The following EYA1 variants were observed in gnomAD, a reference collection of about 807,000 sequenced individuals.
EYA1 encodes EYA transcriptional coactivator and phosphatase 1.
Under a neutral mutation model 82.0 loss-of-function variants are expected in EYA1, and 16 were observed. That is an observed-to-expected ratio of 0.20 (90% CI 0.13 to 0.30). The LOEUF is 0.30. Ranked by LOEUF, EYA1 falls within the 10% of genes least tolerant of loss-of-function variation. EYA1 has a pLI of 1.00. For missense variants in EYA1, 633 were observed against 730.7 expected (o/e 0.87, Z 1.54); for synonymous variants, 261 against 264.4 (o/e 0.99, Z 0.12).
At chr8:71,506,496 G>A (rs1442666602) in intron 2 of EYA1, among the ~76,000 whole-genome samples, 1 of 152,166 alleles carries the variant, frequency 6.6e-6, no homozygotes, top group Admixed American at 6.5e-5. Flanking sequence ...TACTTTGTGT[G>A]TTTCTTCTTA....
intron 2 of EYA1, among the ~76,000 whole-genome samples, chr8:71,499,111 C>A (rs945987853): frequency 1.3e-5 from 2 of 152,124 alleles, no homozygotes; most frequent in African/African-American, 2.4e-5. Context: ...TGGGGACCCT[C>A]TGCTTAGGGG....
chr8:71,223,014 G>A (rs1208486357), intron 12 of EYA1, among the ~76,000 whole-genome samples: 7 of 152,176 alleles, frequency 4.6e-5, no homozygotes, highest in Non-Finnish European at 4.4e-5. Flanking sequence ...AAGCCCCAAC[G>A]CTTCATGTCA....
chr8:71,380,387 A>G (rs949085512), intron 2 of EYA1, among the ~76,000 whole-genome samples: 2 of 152,170 alleles, frequency 1.3e-5, no homozygotes, highest in East Asian at 1.9e-4. Context: ...AATAGCATCA[A>G]TAGAAGTCTG....
rs1369950053 is a variant in EYA1 at position 71,519,650 on chromosome 8, T to G, written c.33+16094A>C. Among the ~76,000 whole-genome samples the G allele has an allele frequency of 1.4e-5, 2 of 147,406 alleles. 1 individual carries two copies. The highest frequency in any genetic ancestry group is 4.5e-4 in the South Asian group (2 of 4,452). Reference sequence around the variant, plus strand: ...GCAAGCAATTTCTCTTTGTTTTACCTAATATTTGAAAATGGCAAAAAAAAA... The same window carrying G: ...GCAAGCAATTTCTCTTTGTTTTACCGAATATTTGAAAATGGCAAAAAAAAA... On this transcript the variant is annotated intron_variant, in intron 2 of 18. Coordinates refer to the EYA1 transcript ENST00000643681.
intron 2 of EYA1, among the ~76,000 whole-genome samples, chr8:71,517,297 C>T (rs145538766): frequency 0.014 from 2,112 of 151,938 alleles, 29 homozygotes; most frequent in Non-Finnish European, 0.021. Context: ...GATTCAAATG[C>T]CCAAAACTAA....
At chr8:71,378,826 C>T (rs1236972573) in intron 2 of EYA1, among the ~76,000 whole-genome samples, 1 of 151,966 alleles carries the variant, frequency 6.6e-6, no homozygotes, top group Non-Finnish European at 1.5e-5. Context: ...TTAAGTGATG[C>T]TAATGTTTAA....
intron 12 of EYA1, among the ~76,000 whole-genome samples, chr8:71,227,697 C>T (rs1810721976): frequency 6.6e-6 from 1 of 152,116 alleles, no homozygotes; most frequent in Non-Finnish European, 1.5e-5. Flanking sequence ...AGCAATTTCC[C>T]ACTCCTCCTA....
intron 9 of EYA1, among the ~76,000 whole-genome samples, chr8:71,291,164 A>G (rs1215119472): frequency 2.0e-5 from 3 of 152,190 alleles, no homozygotes; most frequent in Non-Finnish European, 4.4e-5. Flanking sequence ...GTTAGCAAGT[A>G]CAGACGAGAC....
At chr8:71,348,683 C>G (rs1223887767) in intron 3 of EYA1, among the ~76,000 whole-genome samples, 2 of 152,174 alleles carry the variant, frequency 1.3e-5, no homozygotes, top group Non-Finnish European at 2.9e-5. Context: ...ACGGGCCACC[C>G]CTCTATTCCT....
At chr8:71,232,808 C>G (rs1216783041) in intron 12 of EYA1, among the ~76,000 whole-genome samples, 2 of 152,046 alleles carry the variant, frequency 1.3e-5, no homozygotes, top group African/African-American at 4.8e-5. Flanking sequence ...TTCCCTTCGT[C>G]CCCTACAGCC....
intron 2 of EYA1, among the ~76,000 whole-genome samples, chr8:71,428,494 T>TCA (rs955199985): frequency 3.3e-5 from 5 of 152,330 alleles, no homozygotes; most frequent in African/African-American, 1.2e-4. Context: ...GCTGAAACTT[T>TCA]CAAATGCCTC....
At position 71,211,233 on chromosome 8, in the gene EYA1, T is replaced by G. The variant is rs753553594; in HGVS notation, c.1621A>C (p.Ile541Leu). Residue 541 changes from isoleucine (I) to leucine (L), a missense_variant, in exon 17 of 18, where the codon ATA (isoleucine) becomes CTA (leucine). By Grantham distance (5) the Ile-to-Leu change is conservative. Coordinates refer to ENST00000340726, the MANE Select transcript of EYA1 (RefSeq NM_000503.6). ...KIGKESCFER[I>L]IQRFGRKVVY... ...ACTTTTCTTCCAAACCTTTGAATTA[T>G]TCTCTCAAAACAGCTTTCTTTTCCT... 6.2e-7 allele frequency: 1 copy of G among 1,612,520 alleles called. No homozygotes were observed. The highest frequency in any genetic ancestry group is 8.5e-7 in the Non-Finnish European group (1 of 1,178,648).
intron 2 of EYA1, among the ~76,000 whole-genome samples, chr8:71,487,285 C>A (rs1251457994): frequency 6.6e-6 from 1 of 152,134 alleles, no homozygotes; most frequent in Non-Finnish European, 1.5e-5. Flanking sequence ...GGTTAACATT[C>A]TCAGGCTCAG....
Position 71,317,485 on chromosome 8 carries a change from G to A in EYA1, c.556+67C>T, listed in dbSNP as rs148769444. ...CATTTACTATTTACATGGAACATCA[G>A]GTTCTACTTTAGAAGTTAACTATCA... On this transcript the variant is annotated intron_variant, in intron 7 of 17. Transcript: ENST00000340726. 1.1e-4 allele frequency: 167 copies of A among 1,516,256 alleles called. No homozygotes were observed. The African/African-American group carries it at 1.9e-3, about 17-fold the overall frequency. 93.9% of individuals were successfully genotyped at this position (1,516,256 alleles called of 1,614,324 possible). A position where few individuals can be genotyped will look rare whatever the true frequency, so the allele number is the denominator to read the frequency against.
intron 11 of EYA1, among the ~76,000 whole-genome samples, chr8:71,249,674 C>G (rs931473021): frequency 6.6e-6 from 1 of 152,142 alleles, no homozygotes; most frequent in Non-Finnish European, 1.5e-5. Context: ...CCTTCCATCT[C>G]TCATTCTGTT....
intron 2 of EYA1, among the ~76,000 whole-genome samples, chr8:71,448,043 G>A (rs963299742): frequency 1.0e-5 from 1 of 97,050 alleles, no homozygotes; most frequent in African/African-American, 4.1e-5. Context: ...CCGTTGCCCA[G>A]GCTGCAGTGC....
rs1198042353 is a variant in EYA1, at chr8:71,547,773, G to C, written c.-73+91C>G. The C allele has an allele frequency of 2.0e-5, 3 of 150,716 alleles. No individual in the cohort carries two copies. In the South Asian group the frequency reaches 6.2e-4, roughly 31 times the overall value. The allele number at this position is 150,716 out of a possible 1,614,324, so 9.3% of individuals were successfully genotyped here. ...GCAGAAGCCGGCGGGGCGGCCGAGC[G>C]GGGCGGGGCGGGAGCGCGGCCGCCG... On this transcript the variant is annotated intron_variant, in intron 1 of 18. Transcript: ENST00000643681.
At chr8:71,427,149 T>G (rs1381636811) in intron 2 of EYA1, among the ~76,000 whole-genome samples, 2 of 152,220 alleles carry the variant, frequency 1.3e-5, no homozygotes, top group Non-Finnish European at 2.9e-5. Context: ...CTACAATTTT[T>G]GTTCTCTTGA....
intron 3 of EYA1, among the ~76,000 whole-genome samples, chr8:71,343,580 G>A (rs769689661): frequency 9.9e-5 from 15 of 152,206 alleles, no homozygotes; most frequent in African/African-American, 3.4e-4. Context: ...GTGCCACCTT[G>A]GAACTCTATA....
Sources: allele counts gnomAD v4.1 joint callset (sites outside exome capture counted in the v4.1 genomes callset), GRCh38; gene constraint gnomAD v4.1.1; transcripts MANE v1.5; gene names NCBI Gene and HGNC (gene_info 2026-07-23, HGNC 2026-07-21).